The following GRID2 variants were observed in gnomAD, a reference collection of about 807,000 sequenced individuals.
The protein encoded by GRID2 is glutamate receptor ionotropic, delta-2.
Under a neutral mutation model 114.8 loss-of-function variants are expected in GRID2, and 33 were observed. The observed-to-expected ratio is 0.29, with a 90% CI of 0.22 to 0.38. GRID2 has a LOEUF of 0.38. GRID2 is among the 10% of genes least tolerant of loss of function. GRID2 has a pLI of 1.00. For missense variants in GRID2, 1,184 were observed against 1,257.7 expected, an observed-to-expected ratio of 0.94 and a Z score of 0.89; for synonymous variants, 505 against 449.9, an observed-to-expected ratio of 1.12 and a Z score of -1.55.
At chr4:93,225,454 C>G (rs1000967796) in intron 7 of GRID2, among the ~76,000 whole-genome samples, 1 of 152,032 alleles carries the variant, frequency 6.6e-6, no homozygotes, top group South Asian at 2.1e-4. Context: ...TGTCTTGTAC[C>G]GCCTCTTGGA....
Position 93,039,496 on chromosome 4 carries a change from G to A in GRID2, c.245-45499G>A, listed in dbSNP as rs183318242. Reference sequence around the variant, plus strand: ...ATATATAGTATATATACATACATACGTATATACATGTATATATATTACATA... The same window carrying A: ...ATATATAGTATATATACATACATACATATATACATGTATATATATTACATA... On this transcript the variant is annotated intron_variant, in intron 2 of 15. Coordinates refer to ENST00000282020, the MANE Select transcript of GRID2 (RefSeq NM_001510.4). Among the ~76,000 whole-genome samples, 758 of 151,802 alleles carry A rather than the reference G, an allele frequency of 5.0e-3. 11 individuals carry two copies. Among genetic ancestry groups the A allele is most frequent in the African/African-American group, 0.017 (718 of 41,382 alleles).
chr4:92,307,743 C>A (rs970910566), intron 1 of GRID2, among the ~76,000 whole-genome samples: 1 of 151,988 alleles, frequency 6.6e-6, no homozygotes, highest in South Asian at 2.1e-4. Flanking sequence ...TTAATCATTA[C>A]GTATATTTTT....
At chr4:92,326,267 T>C (rs2175767) in intron 1 of GRID2, among the ~76,000 whole-genome samples, 9,977 of 151,950 alleles carry the variant, frequency 0.066, 368 homozygotes, top group Middle Eastern at 0.14. Flanking sequence ...ATCAGAACAA[T>C]GAGCATAAGT....
chr4:93,194,469 A>G (rs1178545528), intron 4 of GRID2, among the ~76,000 whole-genome samples: 1 of 152,042 alleles, frequency 6.6e-6, no homozygotes, highest in Non-Finnish European at 1.5e-5. Context: ...CTTTCCTTCT[A>G]TGGAAAGATG....
intron 13 of GRID2, among the ~76,000 whole-genome samples, chr4:93,621,682 A>T (rs1742228872): frequency 6.6e-6 from 1 of 152,136 alleles, no homozygotes; most frequent in South Asian, 2.1e-4. Flanking sequence ...TTTTCATTTG[A>T]TGGTTAAAGA....
intron 1 of GRID2, among the ~76,000 whole-genome samples, chr4:93,794,491 C>T (rs1192725953): frequency 1.3e-5 from 2 of 152,120 alleles, no homozygotes; most frequent in African/African-American, 2.4e-5. Flanking sequence ...GAGACCCAGG[C>T]GCCACGGCAC....
At chr4:92,924,553 A>G (rs1431955203) in intron 2 of GRID2, among the ~76,000 whole-genome samples, 4 of 152,174 alleles carry the variant, frequency 2.6e-5, no homozygotes, top group Admixed American at 6.6e-5. Flanking sequence ...ATTATCTTCC[A>G]AAACACTGCT....
At chr4:93,595,297 A>G (rs927588562) in intron 13 of GRID2, among the ~76,000 whole-genome samples, 2 of 152,144 alleles carry the variant, frequency 1.3e-5, no homozygotes, top group Admixed American at 1.3e-4. Context: ...TAATTTTATT[A>G]GTATTTAACA....
chr4:93,225,215 T>C (rs1010302498), intron 7 of GRID2, among the ~76,000 whole-genome samples: 1 of 152,226 alleles, frequency 6.6e-6, no homozygotes, highest in African/African-American at 2.4e-5. Flanking sequence ...AAGGATAGGA[T>C]TCATAAGTAG....
chr4:93,047,378 T>C (rs943838283), intron 2 of GRID2, among the ~76,000 whole-genome samples: 2 of 152,180 alleles, frequency 1.3e-5, no homozygotes, highest in African/African-American at 2.4e-5. Context: ...AAATGTATTA[T>C]ACTGATATAA....
intron 1 of GRID2, among the ~76,000 whole-genome samples, chr4:92,416,151 G>A (rs1010669451): frequency 5.3e-5 from 8 of 151,936 alleles, no homozygotes; most frequent in African/African-American, 1.9e-4. Flanking sequence ...TTTTCCTGAT[G>A]ATTAGTGAGG....
rs576634594 is a variant in GRID2, at chr4:93,630,816, C to T, written c.2360+4381C>T. Among the ~76,000 whole-genome samples, 43 of 152,120 alleles carry T rather than the reference C, an allele frequency of 2.8e-4. No individual in the cohort carries two copies. In the South Asian group the frequency reaches 8.3e-3, roughly 29 times the overall value. ...ACTTGCTTAGAATCACAAAAAAAAG[C>T]AATAAAATTGGAAAAAATTCAAAAT... On this transcript the variant is annotated intron_variant, in intron 14 of 15. Transcript: ENST00000282020.
At chr4:92,442,900 T>G (rs181139017) in intron 1 of GRID2, among the ~76,000 whole-genome samples, 1 of 151,136 alleles carries the variant, frequency 6.6e-6, no homozygotes, top group Non-Finnish European at 1.5e-5. Flanking sequence ...GGGCTAGTCA[T>G]GGAAGGAAAC....
Position 92,817,384 on chromosome 4 carries a change from T to A in GRID2, c.244+227098T>A, listed in dbSNP as rs111576743. Among the ~76,000 whole-genome samples the A allele has an allele frequency of 6.7e-3, 1,017 of 152,258 alleles. 18 individuals carry two copies. The highest frequency in any genetic ancestry group is 0.023 in the African/African-American group (953 of 41,570). ...CCATTCTCTCCATACACCTTACTCC[T>A]ATTTTCTTCAGGATAAAGTTTGTAC... On this transcript the variant is annotated intron_variant, in intron 2 of 15. Transcript: ENST00000282020.
chr4:93,161,633 C>G (rs745365367), intron 4 of GRID2, among the ~76,000 whole-genome samples: 1 of 151,668 alleles, frequency 6.6e-6, no homozygotes. Context: ...GATTAAGCAC[C>G]AGACTCAACA....
At chr4:92,725,465 ATATC>A (rs1736024681) in intron 2 of GRID2, among the ~76,000 whole-genome samples, 1 of 152,162 alleles carries the variant, frequency 6.6e-6, no homozygotes, top group Non-Finnish European at 1.5e-5. Flanking sequence ...ATTAACTACT[ATATC>A]TAGGTATCTA....
intron 8 of GRID2, among the ~76,000 whole-genome samples, chr4:93,352,121 A>G (rs185747880): frequency 6.6e-6 from 1 of 152,164 alleles, no homozygotes; most frequent in African/African-American, 2.4e-5. Context: ...TTAATTCCTG[A>G]CTTTGAAGCT....
Position 93,608,141 on chromosome 4 carries a change from T to C in GRID2, c.2194-18128T>C, listed in dbSNP as rs993300323. On this transcript the variant is annotated intron_variant, in intron 13 of 15. Coordinates refer to ENST00000282020, the MANE Select transcript of GRID2 (RefSeq NM_001510.4). Reference sequence around the variant, plus strand: ...ATATATGTGTATATATATACGTCTATGTGTATACATATATACACATATGTA... The same window carrying C: ...ATATATGTGTATATATATACGTCTACGTGTATACATATATACACATATGTA... Among the ~76,000 whole-genome samples, 18 of 149,970 alleles carry C rather than the reference T, an allele frequency of 1.2e-4. No homozygotes were observed. In the East Asian group the frequency reaches 3.5e-3, roughly 29 times the overall value.
At chr4:93,335,236 A>G (rs985300653) in intron 8 of GRID2, among the ~76,000 whole-genome samples, 2 of 152,202 alleles carry the variant, frequency 1.3e-5, no homozygotes, top group African/African-American at 2.4e-5. Flanking sequence ...TCTCTCTGAC[A>G]CTTTAGGCAA....
Sources: allele counts gnomAD v4.1 joint callset (sites outside exome capture counted in the v4.1 genomes callset), GRCh38; gene constraint gnomAD v4.1.1; transcripts MANE v1.5; gene names NCBI Gene and HGNC (gene_info 2026-07-23, HGNC 2026-07-21).